ZDHHC21: variants seen among roughly 807,000 people sequenced by gnomAD.
The protein encoded by ZDHHC21 is palmitoyltransferase ZDHHC21.
A neutral mutation model predicts 34.6 loss-of-function variants in ZDHHC21; 15 were observed. The observed-to-expected ratio is 0.43, with a 90% CI of 0.29 to 0.67. The LOEUF is 0.67. ZDHHC21 is among the 30% of genes least tolerant of loss of function. The pLI is 0.14. For missense variants in ZDHHC21, 344 were observed against 327.7 expected, an observed-to-expected ratio of 1.05 and a Z score of -0.38; for synonymous variants, 142 against 101.8, an observed-to-expected ratio of 1.40 and a Z score of -2.38.
intron 5 of ZDHHC21, among the ~76,000 whole-genome samples, chr9:14,665,808 T>G (rs1290094665): frequency 3.3e-4 from 49 of 148,086 alleles, no homozygotes; most frequent in Middle Eastern, 6.9e-3. Context: ...TGACCAATTT[T>G]GTCACCACCA....
intron 5 of ZDHHC21, among the ~76,000 whole-genome samples, chr9:14,671,702 C>T (rs914512026): frequency 5.9e-5 from 9 of 151,892 alleles, no homozygotes; most frequent in Admixed American, 3.9e-4. Context: ...GTGAAAAACT[C>T]GATTAAAATG....
chr9:14,662,177 CA>C, intron 6 of ZDHHC21, 37 bp downstream of exon 6: 1 of 1,428,950 alleles, frequency 7.0e-7, no homozygotes, highest in Non-Finnish European at 9.6e-7. Context: ...TTTTATTACC[CA>C]CCCCTCTTTT....
chr9:14,691,835 T>C (rs1324625626), intron 1 of ZDHHC21, among the ~76,000 whole-genome samples: 6 of 152,232 alleles, frequency 3.9e-5, no homozygotes, highest in African/African-American at 1.2e-4. Flanking sequence ...TAATACTTCG[T>C]ATATGTTTTT....
intron 2 of ZDHHC21, chr9:14,683,430 A>T (rs546200589): frequency 3.3e-5 from 5 of 152,326 alleles, no homozygotes; most frequent in African/African-American, 9.6e-5. Context: ...ACCTCTATGC[A>T]AATAAACTAG....
chr9:14,636,887 T>C (rs1187896349), intron 8 of ZDHHC21, among the ~76,000 whole-genome samples: 1 of 152,034 alleles, frequency 6.6e-6, no homozygotes, highest in Non-Finnish European at 1.5e-5. Context: ...CCAAAACCTA[T>C]GGACTACAAC....
In ZDHHC21 at chr9:14,611,196, G is replaced by A. The variant is rs1312286563; in HGVS notation, c.*7770C>T. 1 of 151,382 alleles carries A rather than the reference G, an allele frequency of 6.6e-6. No individual in the cohort carries two copies. Among genetic ancestry groups the A allele is most frequent in the Non-Finnish European group, 1.5e-5 (1 of 67,746 alleles). 9.4% of individuals were successfully genotyped at this position (151,382 alleles called of 1,614,324 possible). On this transcript the variant is annotated 3_prime_UTR_variant, in exon 10 of 10. Transcript: ENST00000380916. ...TCTGCAAAGAAAATAGAAATATTAC[G>A]TGAAAAAAACTAAATCGCTACAATA...
intron 5 of ZDHHC21, among the ~76,000 whole-genome samples, chr9:14,662,569 T>C (rs1423708111): frequency 6.6e-6 from 1 of 152,160 alleles, no homozygotes; most frequent in East Asian, 1.9e-4. Flanking sequence ...ATAGTCAAAG[T>C]AAGAGACAGA....
chr9:14,650,720 C>T (rs545678682), intron 7 of ZDHHC21, among the ~76,000 whole-genome samples: 1 of 151,950 alleles, frequency 6.6e-6, no homozygotes, highest in Non-Finnish European at 1.5e-5. Flanking sequence ...GTTCTGACAT[C>T]AAATCCCTAG....
chr9:14,664,369 G>A (rs1374577329), intron 5 of ZDHHC21, among the ~76,000 whole-genome samples: 11 of 151,564 alleles, frequency 7.3e-5, no homozygotes, highest in African/African-American at 1.9e-4. Flanking sequence ...TGCCCACGGA[G>A]TCTCGCTGAT....
intron 7 of ZDHHC21, among the ~76,000 whole-genome samples, chr9:14,646,577 T>G (rs1830311465): frequency 6.6e-6 from 1 of 151,898 alleles, no homozygotes; most frequent in South Asian, 2.1e-4. Flanking sequence ...ACCACTTTCT[T>G]CCTGGCTCAC....
At chr9:14,691,308 G>C (rs1288218102) in intron 1 of ZDHHC21, among the ~76,000 whole-genome samples, 1 of 152,184 alleles carries the variant, frequency 6.6e-6, no homozygotes, top group East Asian at 1.9e-4. Flanking sequence ...ATGGCTTATG[G>C]ATGGCAGCAG....
intron 7 of ZDHHC21, among the ~76,000 whole-genome samples, chr9:14,642,373 T>C (rs1223941344): frequency 6.6e-6 from 1 of 152,180 alleles, no homozygotes; most frequent in East Asian, 1.9e-4. Context: ...AATCCAAAAA[T>C]TGGCTTAAAA....
rs12237417 is a variant in ZDHHC21 at position 14,685,037 on chromosome 9, T to C, written c.-175-4875A>G. Among the ~76,000 whole-genome samples the C allele has an allele frequency of 5.6e-4, 85 of 152,286 alleles. No homozygotes were observed. The East Asian group carries it at 0.016, about 29-fold the overall frequency. ...GAAACTGGATCCCTTCCTTAAGCCTTATACAAAAATTAATTCAAGATGGAT... is the reference window on the plus strand; with the variant it reads ...GAAACTGGATCCCTTCCTTAAGCCTCATACAAAAATTAATTCAAGATGGAT... On this transcript the variant is annotated intron_variant, in intron 2 of 9. Transcript: ENST00000380916.
the ZDHHC21 span, among the ~76,000 whole-genome samples, chr9:14,603,711 G>A: frequency 6.6e-6 from 1 of 152,026 alleles, no homozygotes; most frequent in Non-Finnish European, 1.5e-5. Flanking sequence ...TTTTTATAAG[G>A]ACTTTACAAA....
In ZDHHC21 at chr9:14,666,528, C is replaced by A. The variant is rs1308093165; in HGVS notation, c.254-4202G>T. ...TAGACATCTACAGAACTCTCCACCC[C>A]AAATCAACAGAATATACATTTTTTT... On this transcript the variant is annotated intron_variant, in intron 5 of 9. Transcript: ENST00000380916. Among the ~76,000 whole-genome samples the A allele has an allele frequency of 4.0e-5, 4 of 99,402 alleles. 1 individual carries two copies. The highest frequency in any genetic ancestry group is 1.3e-4 in the African/African-American group (4 of 30,110). 65.2% of individuals were successfully genotyped at this position (99,402 alleles called of 152,430 possible).
the ZDHHC21 span, among the ~76,000 whole-genome samples, chr9:14,601,097 C>T: frequency 3.3e-5 from 5 of 152,118 alleles, no homozygotes; most frequent in Admixed American, 1.3e-4. Flanking sequence ...TGGACAAAGA[C>T]TTCATGACTA....
At chr9:14,632,054 AACACACACAAACACAC>A (rs1439009712) in intron 8 of ZDHHC21, among the ~76,000 whole-genome samples, 1 of 145,040 alleles carries the variant, frequency 6.9e-6, no homozygotes, top group Non-Finnish European at 1.6e-5. Context: ...AACTAGTTAA[AACACACACAAACACAC>A]ACACACACAC....
chr9:14,612,978 T>G lies in ZDHHC21; in HGVS notation c.*5988A>C, dbSNP rs1330701700. The G allele has an allele frequency of 6.6e-6, 1 of 151,782 alleles. No homozygotes were observed. The highest frequency in any genetic ancestry group is 1.5e-5 in the Non-Finnish European group (1 of 67,826). The allele number at this position is 151,782 out of a possible 1,614,324, so 9.4% of individuals were successfully genotyped here. On this transcript the variant is annotated 3_prime_UTR_variant, in exon 10 of 10. Transcript: ENST00000380916. ...GTGCCCAATAAGCTATATAGTTCAT[T>G]TATATAAATTAGAGTTCTTACCTTT...
chr9:14,658,731 AAT>A lies in ZDHHC21; in HGVS notation c.504+16_504+17del, dbSNP rs1249017282. 6.2e-7 allele frequency: 1 copy of A among 1,611,596 alleles called. No individual in the cohort carries two copies. The highest frequency in any genetic ancestry group is 8.5e-7 in the Non-Finnish European group (1 of 1,178,672). On this transcript the variant is annotated intron_variant, in intron 7 of 9. Transcript: ENST00000380916. ...CGTGATCCGCCCGCCTCGGCCTCCC[AAT>A]ATAAACATTTCTTACCAAATTACGC... is the stretch of plus-strand genomic sequence containing the variant.
Sources: allele counts gnomAD v4.1 joint callset (sites outside exome capture counted in the v4.1 genomes callset), GRCh38; gene constraint gnomAD v4.1.1; transcripts MANE v1.5; gene names NCBI Gene and HGNC (gene_info 2026-07-23, HGNC 2026-07-21).